Variants in SYNGR3 observed in about 807,000 individuals in gnomAD.
SYNGR3 encodes synaptogyrin 3, also known as synaptogyrin-3.
In SYNGR3, 10 loss-of-function variants were observed where a neutral mutation model predicts 18.5. That is an observed-to-expected ratio of 0.54 (90% confidence interval 0.33 to 0.92). The LOEUF is 0.92. Ranked by LOEUF, SYNGR3 falls within the 40% of genes least tolerant of loss-of-function variation. The pLI is 0.02. For synonymous variants in SYNGR3, 188 were observed against 157.2 expected, an observed-to-expected ratio of 1.20 and a Z score of -1.47; for missense variants, 335 against 332.8, an observed-to-expected ratio of 1.01 and a Z score of -0.05.
chr16:1,993,799 G>T lies in SYNGR3; in HGVS notation c.*727G>T. On this transcript the variant is annotated 3_prime_UTR_variant, in exon 4 of 4. Coordinates refer to ENST00000248121, the MANE Select transcript of SYNGR3 (RefSeq NM_004209.6). ...GTAAGACCTTGCCAGGAGAGGAGAAGGATGCCTGGGTGCCAGGCAAGACAA... is the reference window on the plus strand; with the variant it reads ...GTAAGACCTTGCCAGGAGAGGAGAATGATGCCTGGGTGCCAGGCAAGACAA... 2.9e-6 allele frequency: 1 copy of T among 345,970 alleles called. No individual in the cohort carries two copies. Among genetic ancestry groups the T allele is most frequent in the Non-Finnish European group, 5.7e-6 (1 of 174,570 alleles). 21.4% of individuals were successfully genotyped at this position (345,970 alleles called of 1,614,324 possible).
chr16:1,990,223 C>A, intron 1 of SYNGR3, 22 bp downstream of exon 1: 4 of 1,238,056 alleles, frequency 3.2e-6, no homozygotes, highest in Non-Finnish European at 4.1e-6. Context: ...CTGCCCGGGC[C>A]CCCGCTCCCG....
Position 1,991,841 on chromosome 16 carries a change from A to T in SYNGR3, c.100-133A>T, listed in dbSNP as rs1272136287. On this transcript the variant is annotated intron_variant, in intron 1 of 3. Coordinates refer to ENST00000248121, the MANE Select transcript of SYNGR3 (RefSeq NM_004209.6). ...TACTAAATACGCGAGGGTTCGGGAA[A>T]GAAAGAGGTGACACCGCCCCCCACC... is the stretch of plus-strand genomic sequence containing the variant. The T allele has an allele frequency of 3.0e-5, 21 of 707,634 alleles. No homozygotes were observed. In the East Asian group the frequency reaches 6.6e-4, roughly 22 times the overall value. The allele number at this position is 707,634 out of a possible 1,614,324, so 43.8% of individuals were successfully genotyped here.
Position 1,992,112 on chromosome 16 carries a change from C to T in SYNGR3, c.238C>T (p.Leu80Phe), listed in dbSNP as rs767030243. The T allele has an allele frequency of 1.1e-5, 17 of 1,559,212 alleles. No homozygotes were observed. The African/African-American group carries it at 2.2e-4, about 20-fold the overall frequency. The change falls in exon 2 of 4, where the codon CTC becomes TTC. Residue 80 changes from leucine (L) to phenylalanine (F), a missense_variant. By Grantham distance (22) the Leu-to-Phe change is conservative. Transcript: ENST00000248121. Reference protein sequence around the residue: ...FGVALGLGAFLACAAFLLLDV... With the variant: ...FGVALGLGAFFACAAFLLLDV... Reference sequence around the variant, plus strand: ...CGTCGCGCTGGGCCTCGGAGCCTTCCTCGCCTGCGCCGCCTTCCTGCTGCT... The same window carrying T: ...CGTCGCGCTGGGCCTCGGAGCCTTCTTCGCCTGCGCCGCCTTCCTGCTGCT...
rs959357524 is a variant in SYNGR3, at chr16:1,990,494, C to T, written c.99+293C>T. The T allele has an allele frequency of 7.4e-6, 4 of 539,048 alleles. No homozygotes were observed. In the African/African-American group the frequency reaches 7.8e-5, roughly 11 times the overall value. 33.4% of individuals were successfully genotyped at this position (539,048 alleles called of 1,614,324 possible). ...CCCGGGTCTAATTTCAGTCCCTTTC[C>T]GCAGCCCTTACTCCGTTTTTCCTGT... On this transcript the variant is annotated intron_variant, in intron 1 of 3. Transcript: ENST00000248121.
At chr16:1,991,944 G>A in intron 1 of SYNGR3, 30 bp from the exon 2 acceptor site, 2 of 1,560,162 alleles carry the variant, frequency 1.3e-6, no homozygotes, top group African/African-American at 1.4e-5. Context: ...TCGGGTCGCC[G>A]CAGGGCCCTG....
Position 1,992,035 on chromosome 16 carries a change from G to A in SYNGR3, c.161G>A (p.Gly54Asp). 1 of 1,580,406 alleles carries A rather than the reference G, an allele frequency of 6.3e-7. No individual in the cohort carries two copies. The highest frequency in any genetic ancestry group is 1.4e-5 in the African/African-American group (1 of 73,580). The change falls in exon 2 of 4, where the codon GGC becomes GAC. Residue 54 changes from glycine (G) to aspartate (D), a missense_variant. Coordinates refer to ENST00000248121, the MANE Select transcript of SYNGR3 (RefSeq NM_004209.6). ...VNEGYVNTDS[G>D]PELRCVFNGN... Reference sequence around the variant, plus strand: ...GAGGGCTACGTGAACACCGACAGCGGCCCCGAGCTGCGCTGCGTGTTCAAC... The same window carrying A: ...GAGGGCTACGTGAACACCGACAGCGACCCCGAGCTGCGCTGCGTGTTCAAC...
intron 1 of SYNGR3, 104 bp downstream of exon 1, chr16:1,990,305 C>G (rs1359272119): frequency 2.1e-6 from 1 of 476,996 alleles, no homozygotes; most frequent in Non-Finnish European, 3.3e-6. Context: ...TTCTCGCCCC[C>G]CGACCTCACT....
Position 1,992,004 on chromosome 16 carries a change from G to T in SYNGR3, c.130G>T (p.Val44Phe), listed in dbSNP as rs769722456. Residue 44 changes from valine (V) to phenylalanine (F), a missense_variant, in exon 2 of 4, where the codon GTC becomes TTC. Physicochemically the swap from Val to Phe is conservative, Grantham distance 50. Coordinates refer to ENST00000248121, the MANE Select transcript of SYNGR3 (RefSeq NM_004209.6). Reference sequence around the variant, plus strand: ...CTCCATCGCCGTCTTCGGGCCCATCGTCAACGAGGGCTACGTGAACACCGA... The same window carrying T: ...CTCCATCGCCGTCTTCGGGCCCATCTTCAACGAGGGCTACGTGAACACCGA... ...VFSIAVFGPI[V>F]NEGYVNTDSG... is the part of the protein sequence containing the mutation. 5 of 1,593,892 alleles carry T rather than the reference G, an allele frequency of 3.1e-6. No homozygotes were observed. In the South Asian group the frequency reaches 3.4e-5, roughly 11 times the overall value.
At position 1,992,754 on chromosome 16, in the gene SYNGR3, C is replaced by A; in HGVS notation, c.456C>A (p.Phe152Leu). The A allele has an allele frequency of 6.3e-7, 1 of 1,578,392 alleles. No homozygotes were observed. The highest frequency in any genetic ancestry group is 2.3e-5 in the East Asian group (1 of 43,258). Residue 152 changes from phenylalanine to leucine, a missense_variant, in exon 3 of 4, where the codon TTC becomes TTA. Coordinates refer to ENST00000248121, the MANE Select transcript of SYNGR3 (RefSeq NM_004209.6). ...ACGCGGCGCGGGCCGCCATCGCCTT[C>A]AGCTTCTTCTCCATCCTCAGCTGGG... ...AGDAARAAIA[F>L]SFFSILSWVA...
chr16:1,993,378 C>T lies in SYNGR3; in HGVS notation c.*306C>T. ...GCTTTCCCCTCTTGGGCCACACCTG[C>T]TCACTCTGGGGTTGGGGGTCCAGCT... On this transcript the variant is annotated 3_prime_UTR_variant, in exon 4 of 4. Transcript: ENST00000248121. 1.7e-6 allele frequency: 1 copy of T among 603,064 alleles called. No homozygotes were observed. The highest frequency in any genetic ancestry group is 3.5e-5 in the East Asian group (1 of 28,970). The allele number at this position is 603,064 out of a possible 1,614,324, so 37.4% of individuals were successfully genotyped here.
Position 1,992,246 on chromosome 16 carries a change from T to C in SYNGR3, c.337+35T>C, listed in dbSNP as rs2083607953. ...GCCGGGGCGGTGAGCGCGGAGAGCC[T>C]TCCGGGTGGGCGGGGAGGGGGCGGG... is the stretch of plus-strand genomic sequence containing the variant. On this transcript the variant is annotated intron_variant, in intron 2 of 3. Transcript: ENST00000248121. 3 of 209,000 alleles carry C rather than the reference T, an allele frequency of 1.4e-5. No individual in the cohort carries two copies. In the South Asian group the frequency reaches 2.2e-4, roughly 15 times the overall value. The allele number at this position is 209,000 out of a possible 1,614,324, so 12.9% of individuals were successfully genotyped here.
At chr16:1,991,910 G>C in intron 1 of SYNGR3, 64 bp from the exon 2 acceptor site, 1 of 1,445,446 alleles carries the variant, frequency 6.9e-7, no homozygotes, top group Non-Finnish European at 9.3e-7. Flanking sequence ...AGGGGCGTGG[G>C]CGCTCGAGGC....
chr16:1,993,733 G>A lies in SYNGR3; in HGVS notation c.*661G>A, dbSNP rs1399706933. The stretch of plus-strand genomic sequence containing the variant: ...GTGGTTCTGGCCAGGAAGGCACAAG[G>A]TAGCTGTGGGCCAAGACACCAGCCC... On this transcript the variant is annotated 3_prime_UTR_variant, in exon 4 of 4. Coordinates refer to ENST00000248121, the MANE Select transcript of SYNGR3 (RefSeq NM_004209.6). 1.5e-5 allele frequency: 6 copies of A among 394,638 alleles called. No individual in the cohort carries two copies. The highest frequency in any genetic ancestry group is 1.5e-5 in the Non-Finnish European group (3 of 194,274). The allele number at this position is 394,638 out of a possible 1,614,324, so 24.4% of individuals were successfully genotyped here. A position where few individuals can be genotyped will look rare whatever the true frequency, so the allele number is the denominator to read the frequency against.
chr16:1,990,806 G>A (rs973491859), intron 1 of SYNGR3: 13 of 201,746 alleles, frequency 6.4e-5, no homozygotes, highest in Non-Finnish European at 1.4e-4. Flanking sequence ...GGCAGGGGAG[G>A]TGGCAGTTGG....
intron 1 of SYNGR3, chr16:1,990,475 T>C: frequency 1.9e-6 from 1 of 540,358 alleles, no homozygotes; most frequent in Non-Finnish European, 3.5e-6. Flanking sequence ...CCTCCCCGGG[T>C]CTAATTTCAG....
At chr16:1,991,771 C>T in intron 1 of SYNGR3, 2 of 546,652 alleles carry the variant, frequency 3.7e-6, no homozygotes, top group Non-Finnish European at 6.4e-6. Flanking sequence ...AACACAATGT[C>T]TGGGCATAGT....
chr16:1,990,263 C>T (rs1308768106), intron 1 of SYNGR3, 62 bp downstream of exon 1: 25 of 814,018 alleles, frequency 3.1e-5, no homozygotes, highest in Non-Finnish European at 4.0e-5. Context: ...AGGCCCCTAC[C>T]AGCCCCCTGC....
At chr16:1,990,939 C>T (rs1481473278) in intron 1 of SYNGR3, among the ~76,000 whole-genome samples, 1 of 152,250 alleles carries the variant, frequency 6.6e-6, no homozygotes, top group Non-Finnish European at 1.5e-5. Flanking sequence ...CGGAGTGGCT[C>T]TGACCAGACC....
chr16:1,990,390 T>G (rs563868662), intron 1 of SYNGR3, 189 bp downstream of exon 1: 140 of 351,444 alleles, frequency 4.0e-4, no homozygotes, highest in South Asian at 2.6e-3. Context: ...CGCGCCCACC[T>G]GCGGGCGGAG....
Sources: allele counts gnomAD v4.1 joint callset (sites outside exome capture counted in the v4.1 genomes callset), GRCh38; gene constraint gnomAD v4.1.1; transcripts MANE v1.5; gene names NCBI Gene and HGNC (gene_info 2026-07-23, HGNC 2026-07-21).